FNBP4: variants seen among roughly 807,000 people sequenced by gnomAD.
FNBP4 encodes the protein formin binding protein 4.
A neutral mutation model predicts 119.3 loss-of-function variants in FNBP4; 34 were observed. That is an observed-to-expected ratio of 0.28 (90% CI 0.22 to 0.38). The LOEUF (loss-of-function observed/expected upper bound fraction) is 0.38, where lower values mean the gene tolerates loss of function less well. Ranked by LOEUF, FNBP4 falls within the 10% of genes least tolerant of loss-of-function variation. The pLI is 1.00. For synonymous variants in FNBP4, 462 were observed against 430.6 expected (o/e 1.07, Z -0.90); for missense variants, 1,112 against 1,228.9 (o/e 0.90, Z 1.42).
chr11:47,742,115 A>C (rs1227264774), intron 8 of FNBP4, among the ~76,000 whole-genome samples: 1 of 152,070 alleles, frequency 6.6e-6, no homozygotes, highest in Admixed American at 6.6e-5. Context: ...ACATAAACAC[A>C]CTCATACATA....
Position 47,719,576 on chromosome 11 carries a change from ATGTGTGTGTGTGTGTGTGTG to A in FNBP4, c.2963+333_2963+352del, listed in dbSNP as rs66711141. Among the ~76,000 whole-genome samples the A allele has an allele frequency of 7.4e-5, 11 of 147,802 alleles. No homozygotes were observed. In the South Asian group the frequency reaches 8.7e-4, roughly 12 times the overall value. ...AAATAAGTTAATATGTTATGTGTGT[ATGTGTGTGTGTGTGTGTGTG>A]TGTGTGTGTGTGTGTGTGTATAAAA... On this transcript the variant is annotated intron_variant, in intron 16 of 16. Transcript: ENST00000263773.
intron 8 of FNBP4, among the ~76,000 whole-genome samples, chr11:47,741,058 G>A (rs2097581291): frequency 1.3e-5 from 2 of 150,886 alleles, no homozygotes; most frequent in African/African-American, 2.5e-5. Context: ...TGGTAGAGAC[G>A]GGGTCTCACC....
chr11:47,744,278 C>CTTTTT, intron 7 of FNBP4, 115 bp from the exon 8 acceptor site: 1 of 783,500 alleles, frequency 1.3e-6, no homozygotes, highest in Non-Finnish European at 1.9e-6. Context: ...ACAGAAAGCA[C>CTTTTT]TTTTTTTTTT....
At chr11:47,729,688 A>G (rs2097565261) in intron 12 of FNBP4, 9 of 984,912 alleles carry the variant, frequency 9.1e-6, no homozygotes, top group African/African-American at 1.7e-5. Context: ...TAACTTTTTA[A>G]AACAATTTTC....
At chr11:47,746,519 C>CTT (rs371706754) in intron 6 of FNBP4, 125 bp from the exon 7 acceptor site, 735 of 661,470 alleles carry the variant, frequency 1.1e-3, no homozygotes, top group East Asian at 2.3e-3. Context: ...GTAAAAACGA[C>CTT]TTTTTTTTTT....
chr11:47,747,409 C>T (rs1232499030), intron 6 of FNBP4, among the ~76,000 whole-genome samples: 1 of 151,926 alleles, frequency 6.6e-6, no homozygotes, highest in East Asian at 1.9e-4. Flanking sequence ...GGTTTCACCA[C>T]GTTGGCCAGG....
chr11:47,765,851 C>CTTTTTTTTTTTTTT (rs1167976570), intron 1 of FNBP4, among the ~76,000 whole-genome samples: 10 of 82,170 alleles, frequency 1.2e-4, no homozygotes, highest in East Asian at 4.5e-4. Context: ...GAGCTGGAAT[C>CTTTTTTTTTTTTTT]TTTTTTTTTT....
chr11:47,750,821 G>T (rs1251864244), intron 6 of FNBP4, 95 bp downstream of exon 6: 8 of 1,257,950 alleles, frequency 6.4e-6, no homozygotes, highest in Non-Finnish European at 1.1e-6. Flanking sequence ...TCACATGTAT[G>T]ACATAAAATA....
chr11:47,749,096 A>AAAACAAACAAACAAAC (rs10688485), intron 6 of FNBP4, among the ~76,000 whole-genome samples: 6 of 149,280 alleles, frequency 4.0e-5, no homozygotes, highest in African/African-American at 1.5e-4. Context: ...CGTCTCTCAA[A>AAAACAAACAAACAAAC]AAACAAACAA....
chr11:47,745,111 T>C lies in FNBP4; in HGVS notation c.1245+945A>G, dbSNP rs534072595. Among the ~76,000 whole-genome samples, 35 of 152,312 alleles carry C rather than the reference T, an allele frequency of 2.3e-4. 1 individual carries two copies. The highest frequency in any genetic ancestry group is 1.9e-3 in the South Asian group (9 of 4,832). ...CATCACCTCAGGACCACTGTGATAA[T>C]TGTGTTAACTGTACAAATTGATTGT... On this transcript the variant is annotated intron_variant, in intron 7 of 16. Coordinates refer to ENST00000263773, the MANE Select transcript of FNBP4 (RefSeq NM_015308.5).
chr11:47,731,765 C>T (rs1263991189), intron 11 of FNBP4: 5 of 1,340,310 alleles, frequency 3.7e-6, no homozygotes, highest in Non-Finnish European at 4.8e-6. Flanking sequence ...GCCAGCAACT[C>T]TGTGAATACA....
intron 15 of FNBP4, among the ~76,000 whole-genome samples, chr11:47,722,307 G>A (rs2097556733): frequency 1.3e-5 from 2 of 151,620 alleles, no homozygotes; most frequent in South Asian, 4.2e-4. Context: ...GGAATGCAGT[G>A]GTGCGATCTC....
intron 9 of FNBP4, among the ~76,000 whole-genome samples, chr11:47,735,725 T>G (rs1321311986): frequency 6.6e-6 from 1 of 152,142 alleles, no homozygotes; most frequent in African/African-American, 2.4e-5. Context: ...AATTTAGGTT[T>G]GGAAACAGTA....
rs191752992 is a variant in FNBP4 at position 47,754,901 on chromosome 11, G to A, written c.314-237C>T. Reference sequence around the variant, plus strand: ...TCAACGCCTGTAATCCCAGCACTTTGGGAGGCCGAGGTGGGTGGATCATGA... The same window carrying A: ...TCAACGCCTGTAATCCCAGCACTTTAGGAGGCCGAGGTGGGTGGATCATGA... On this transcript the variant is annotated intron_variant, in intron 2 of 16. Transcript: ENST00000263773. Among the ~76,000 whole-genome samples the A allele has an allele frequency of 7.4e-4, 113 of 152,160 alleles. 1 individual carries two copies. The highest frequency in any genetic ancestry group is 3.4e-3 in the Middle Eastern group (1 of 292).
intron 15 of FNBP4, among the ~76,000 whole-genome samples, chr11:47,722,584 A>G (rs1387315898): frequency 6.6e-6 from 1 of 151,408 alleles, no homozygotes. Context: ...TAAGCTGGAC[A>G]TTTCAATTTC....
chr11:47,737,368 A>G (rs540071455), intron 8 of FNBP4, among the ~76,000 whole-genome samples: 229 of 152,308 alleles, frequency 1.5e-3, no homozygotes, highest in Non-Finnish European at 2.7e-3. Flanking sequence ...TATAATAGCT[A>G]GACAGCAAAC....
intron 15 of FNBP4, among the ~76,000 whole-genome samples, chr11:47,721,117 C>T (rs112370902): frequency 6.6e-6 from 1 of 151,162 alleles, no homozygotes; most frequent in East Asian, 2.0e-4. Context: ...GTCAGGTGAT[C>T]GAGACCATCC....
At chr11:47,747,036 G>A (rs1376947281) in intron 6 of FNBP4, among the ~76,000 whole-genome samples, 1 of 151,898 alleles carries the variant, frequency 6.6e-6, no homozygotes, top group Admixed American at 6.6e-5. Flanking sequence ...TCTTCTGTAT[G>A]ATGAGAAATT....
At chr11:47,720,436 C>A (rs1049797815) in intron 15 of FNBP4, among the ~76,000 whole-genome samples, 4 of 151,830 alleles carry the variant, frequency 2.6e-5, no homozygotes, top group Non-Finnish European at 5.9e-5. Flanking sequence ...GACGTGGTGG[C>A]GGGCGCCTGT....
Sources: gnomAD v4.1 joint callset for allele counts (sites outside exome capture counted in the v4.1 genomes callset) on GRCh38, gnomAD v4.1.1 for gene constraint, MANE v1.5 for transcripts, NCBI Gene and HGNC (gene_info 2026-07-23, HGNC 2026-07-21) for gene names.